The following CTNNA2 variants were observed in gnomAD, a reference collection of about 807,000 sequenced individuals.
CTNNA2 encodes the protein catenin alpha-2.
Under a neutral mutation model 101.0 loss-of-function variants are expected in CTNNA2, and 42 were observed. The observed-to-expected ratio is 0.42, with a 90% CI of 0.32 to 0.54. CTNNA2 has a LOEUF of 0.54. CTNNA2 is among the 20% of genes least tolerant of loss of function. The probability of loss-of-function intolerance (pLI) is 0.14; values close to 1 mark genes in which losing one functional copy is unlikely to be tolerated. For missense variants in CTNNA2, 871 were observed against 1,223.1 expected (o/e 0.71, Z 4.29); for synonymous variants, 450 against 456.4 (o/e 0.99, Z 0.18).
intron 8 of CTNNA2, among the ~76,000 whole-genome samples, chr2:80,416,303 T>A (rs1445815089): frequency 6.6e-6 from 1 of 152,184 alleles, no homozygotes; most frequent in Non-Finnish European, 1.5e-5. Flanking sequence ...TTATAAAAAA[T>A]GTATGTTTAT....
At chr2:80,245,790 T>G (rs1671272829) in intron 7 of CTNNA2, among the ~76,000 whole-genome samples, 1 of 148,444 alleles carries the variant, frequency 6.7e-6, no homozygotes, top group African/African-American at 2.5e-5. Context: ...TGATTATGAT[T>G]TAACTTTTTT....
chr2:79,853,831 G>T (rs1192899143), intron 3 of CTNNA2, among the ~76,000 whole-genome samples: 1 of 151,952 alleles, frequency 6.6e-6, no homozygotes, highest in African/African-American at 2.4e-5. Context: ...ACCATGCCTG[G>T]CTAATTTTGC....
chr2:80,488,027 G>A (rs182371503), intron 9 of CTNNA2, among the ~76,000 whole-genome samples: 10 of 152,248 alleles, frequency 6.6e-5, no homozygotes, highest in Admixed American at 2.0e-4. Flanking sequence ...TTAAAGCTAA[G>A]GAAATTATTT....
At chr2:79,372,102 G>A (rs561477165) in intron 3 of CTNNA2, among the ~76,000 whole-genome samples, 6 of 152,062 alleles carry the variant, frequency 3.9e-5, no homozygotes, top group East Asian at 1.9e-4. Flanking sequence ...CAGGTTCTCC[G>A]GGGTGAACCT....
chr2:80,515,497 T>G (rs1689040957), intron 9 of CTNNA2, among the ~76,000 whole-genome samples: 2 of 152,278 alleles, frequency 1.3e-5, no homozygotes, highest in East Asian at 1.9e-4. Flanking sequence ...CTTAGATAAC[T>G]TTTTGAGACC....
chr2:80,561,477 C>T (rs192396342), intron 12 of CTNNA2, among the ~76,000 whole-genome samples: 292 of 152,222 alleles, frequency 1.9e-3, no homozygotes, highest in African/African-American at 6.3e-3. Flanking sequence ...AGAAAACAAA[C>T]GTTACTTTGC....
At chr2:79,386,145 C>A (rs763660401) in intron 4 of CTNNA2, among the ~76,000 whole-genome samples, 2 of 152,194 alleles carry the variant, frequency 1.3e-5, no homozygotes, top group Non-Finnish European at 2.9e-5. Flanking sequence ...TACACTCCCA[C>A]TAAGAGTGTA....
rs115935956 is a variant in CTNNA2, at chr2:79,816,532, G to A, written c.299-41481G>A. ...AGAGTTAATATAAAAAGAATGAGAAGATACAAGAAGAGCAGGAGCATATAT... is the reference window on the plus strand; with the variant it reads ...AGAGTTAATATAAAAAGAATGAGAAAATACAAGAAGAGCAGGAGCATATAT... On this transcript the variant is annotated intron_variant, in intron 3 of 18. Transcript: ENST00000402739. 5.3e-5 allele frequency among the ~76,000 whole-genome samples: 8 copies of A among 152,218 alleles called. No individual in the cohort carries two copies. The East Asian group carries it at 1.5e-3, about 29-fold the overall frequency.
At chr2:79,302,927 C>T (rs1676147133) in intron 2 of CTNNA2, among the ~76,000 whole-genome samples, 1 of 152,258 alleles carries the variant, frequency 6.6e-6, no homozygotes, top group Admixed American at 6.5e-5. Flanking sequence ...ATTATCCTTG[C>T]TTTTCAGATA....
chr2:79,596,918 GT>G (rs1366768944), intron 1 of CTNNA2, among the ~76,000 whole-genome samples: 2 of 152,130 alleles, frequency 1.3e-5, no homozygotes, highest in Non-Finnish European at 2.9e-5. Context: ...CATTATTCCT[GT>G]TCCTGAAAGG....
At chr2:80,232,345 G>A (rs7421072) in intron 7 of CTNNA2, among the ~76,000 whole-genome samples, 5 of 64,842 alleles carry the variant, frequency 7.7e-5, no homozygotes, top group Non-Finnish European at 1.3e-4. Context: ...TTGTTTGTTT[G>A]TTTTTTTTTT....
At chr2:80,287,318 C>T (rs1674855968) in intron 7 of CTNNA2, among the ~76,000 whole-genome samples, 1 of 152,146 alleles carries the variant, frequency 6.6e-6, no homozygotes, top group Non-Finnish European at 1.5e-5. Context: ...CTTCCCCCCT[C>T]CCGTGATACC....
At chr2:80,193,364 A>G (rs1706644203) in intron 7 of CTNNA2, among the ~76,000 whole-genome samples, 1 of 152,288 alleles carries the variant, frequency 6.6e-6, no homozygotes, top group African/African-American at 2.4e-5. Context: ...TTGAAATGGC[A>G]ATCGGTATAT....
intron 15 of CTNNA2, among the ~76,000 whole-genome samples, chr2:80,589,932 T>C (rs1376319678): frequency 6.6e-6 from 1 of 151,720 alleles, no homozygotes; most frequent in Non-Finnish European, 1.5e-5. Flanking sequence ...ATACATATAG[T>C]ATGTTGTAAT....
chr2:80,170,840 T>G (rs1162416992), intron 7 of CTNNA2, among the ~76,000 whole-genome samples: 2 of 152,190 alleles, frequency 1.3e-5, no homozygotes, highest in Non-Finnish European at 2.9e-5. Context: ...ATGCTGGGGT[T>G]GCTTTTATAT....
At chr2:79,519,089 C>T (rs1388115448) in intron 1 of CTNNA2, among the ~76,000 whole-genome samples, 2 of 151,836 alleles carry the variant, frequency 1.3e-5, no homozygotes, top group Non-Finnish European at 2.9e-5. Context: ...ATTAGCCAGG[C>T]ATGGTGACGG....
At chr2:79,778,354 T>A (rs915471009) in intron 3 of CTNNA2, among the ~76,000 whole-genome samples, 2 of 150,166 alleles carry the variant, frequency 1.3e-5, no homozygotes, top group Admixed American at 6.6e-5. Context: ...AAAAAAAAAA[T>A]AAAAAAAGGC....
At chr2:79,254,963 A>C (rs1674822391) in intron 2 of CTNNA2, among the ~76,000 whole-genome samples, 1 of 152,194 alleles carries the variant, frequency 6.6e-6, no homozygotes, top group Admixed American at 6.5e-5. Context: ...CCTCCAAAAC[A>C]GTAGTCCATG....
chr2:80,224,419 C>T (rs1708752810), intron 7 of CTNNA2, among the ~76,000 whole-genome samples: 1 of 152,094 alleles, frequency 6.6e-6, no homozygotes. Context: ...TCAGTCAGTC[C>T]TCTACAGCTG....
Sources: gnomAD v4.1 joint callset for allele counts (sites outside exome capture counted in the v4.1 genomes callset) on GRCh38, gnomAD v4.1.1 for gene constraint, MANE v1.5 for transcripts, NCBI Gene and HGNC (gene_info 2026-07-23, HGNC 2026-07-21) for gene names.